THOC2: variants seen among roughly 807,000 people sequenced by gnomAD.
THOC2 encodes the protein THO complex subunit 2.
THOC2 carries 10 observed loss-of-function variants against 128.4 expected under a neutral mutation model. The observed-to-expected ratio is 0.08, with a 90% CI of 0.05 to 0.13. The LOEUF (loss-of-function observed/expected upper bound fraction) is 0.13. Ranked by LOEUF, THOC2 falls within the 10% of genes least tolerant of loss-of-function variation. The pLI is 1.00. For missense variants in THOC2, 535 were observed against 1,155.7 expected (o/e 0.46, Z 7.79); for synonymous variants, 393 against 396.9 (o/e 0.99, Z 0.12).
chrX:123,681,863 C>T (rs1305941108), intron 8 of THOC2, among the ~76,000 whole-genome samples: 2 of 111,657 alleles, frequency 1.8e-5, no homozygotes, highest in Admixed American at 1.9e-4. Context: ...AATTCGGGAC[C>T]AGCCTGACCA....
At chrX:123,628,723 A>T (rs1049773831) in intron 22 of THOC2, among the ~76,000 whole-genome samples, 12 of 94,229 alleles carry the variant, frequency 1.3e-4, no homozygotes, top group Non-Finnish European at 1.7e-4. Flanking sequence ...AATAAAAATT[A>T]AAAAAAAAAA....
rs542966875 is a variant in THOC2, at chrX:123,692,294, T to C, written c.601+3727A>G. Among the ~76,000 whole-genome samples the C allele has an allele frequency of 2.7e-4, 30 of 111,481 alleles. 1 individual carries two copies. The South Asian group carries it at 0.011, about 40-fold the overall frequency. Reference sequence around the variant, plus strand: ...GCTATGGCCACTTGTATGGTGTCTATGACTTGGCAGCTCAATAGTCTACTG... The same window carrying C: ...GCTATGGCCACTTGTATGGTGTCTACGACTTGGCAGCTCAATAGTCTACTG... On this transcript the variant is annotated intron_variant, in intron 7 of 38. Coordinates refer to ENST00000245838, the MANE Select transcript of THOC2 (RefSeq NM_001081550.2).
intron 12 of THOC2, 113 bp from the exon 13 acceptor site, chrX:123,645,488 AC>A: frequency 4.8e-6 from 2 of 415,145 alleles, no homozygotes. Flanking sequence ...AATTGTTCTT[AC>A]TTTTTACAAA....
At chrX:123,732,781 G>T (rs1224214191) in intron 1 of THOC2, among the ~76,000 whole-genome samples, 171 bp downstream of exon 1, 1 of 111,083 alleles carries the variant, frequency 9.0e-6, no homozygotes. Context: ...GGTCCGCGGC[G>T]GTAAACAGCA....
intron 2 of THOC2, among the ~76,000 whole-genome samples, chrX:123,709,547 C>T (rs752302297): frequency 1.3e-4 from 14 of 111,380 alleles, no homozygotes; most frequent in Non-Finnish European, 2.6e-4. Context: ...GCCAAGATGG[C>T]GCCACTGCAC....
intron 12 of THOC2, among the ~76,000 whole-genome samples, chrX:123,663,862 C>T (rs1304697741): frequency 9.0e-6 from 1 of 111,234 alleles, no homozygotes; most frequent in Non-Finnish European, 1.9e-5. Context: ...TGAGTGAGAA[C>T]ATGCGGTGTT....
chrX:123,701,131 T>C (rs1354981729), intron 4 of THOC2, among the ~76,000 whole-genome samples: 4 of 111,139 alleles, frequency 3.6e-5, no homozygotes, highest in African/African-American at 1.3e-4. Flanking sequence ...GGTGGACAGA[T>C]CACTTGAGGT....
At chrX:123,650,185 G>A (rs892106006) in intron 12 of THOC2, among the ~76,000 whole-genome samples, 3 of 111,678 alleles carry the variant, frequency 2.7e-5, no homozygotes, top group African/African-American at 9.8e-5. Flanking sequence ...TTTCAACCCC[G>A]AATTTCATAT....
At chrX:123,649,322 G>C (rs766867242) in intron 12 of THOC2, among the ~76,000 whole-genome samples, 1 of 111,388 alleles carries the variant, frequency 9.0e-6, no homozygotes, top group South Asian at 3.8e-4. Flanking sequence ...AAAGACCAAA[G>C]GTAGATAAAT....
chrX:123,607,106 A>G (rs1386870806), intron 38 of THOC2, among the ~76,000 whole-genome samples: 2 of 111,399 alleles, frequency 1.8e-5, no homozygotes, highest in East Asian at 5.6e-4. Context: ...CAAAGGAACT[A>G]GTAATCTTCA....
At chrX:123,639,610 T>C (rs1470069331) in intron 16 of THOC2, among the ~76,000 whole-genome samples, 1 of 111,186 alleles carries the variant, frequency 9.0e-6, no homozygotes, top group Non-Finnish European at 1.9e-5. Flanking sequence ...GAAACTTTAC[T>C]ATGGGTACAC....
intron 8 of THOC2, among the ~76,000 whole-genome samples, chrX:123,685,369 A>G: frequency 8.9e-6 from 1 of 112,311 alleles, no homozygotes; most frequent in East Asian, 2.8e-4. Context: ...TTAAGAAGTG[A>G]CTAATTCTGC....
chrX:123,643,610 C>G (rs1400553893), intron 15 of THOC2, among the ~76,000 whole-genome samples: 1 of 110,226 alleles, frequency 9.1e-6, no homozygotes, highest in Non-Finnish European at 1.9e-5. Context: ...TCAACTCCTG[C>G]CAAACAAAAC....
At chrX:123,714,745 C>G (rs1010702786) in intron 1 of THOC2, among the ~76,000 whole-genome samples, 3 of 111,666 alleles carry the variant, frequency 2.7e-5, no homozygotes, top group African/African-American at 9.8e-5. Flanking sequence ...CATTAGATCA[C>G]AAACAAATAA....
chrX:123,617,457 G>A (rs1407931228), intron 33 of THOC2, among the ~76,000 whole-genome samples: 3 of 111,268 alleles, frequency 2.7e-5, no homozygotes, highest in Non-Finnish European at 5.7e-5. Flanking sequence ...ACCAAGGCAA[G>A]CACACTAAAG....
chrX:123,726,734 G>A (rs1028849436), intron 1 of THOC2, among the ~76,000 whole-genome samples: 1 of 111,705 alleles, frequency 9.0e-6, no homozygotes, highest in Non-Finnish European at 1.9e-5. Context: ...ATTCTATATT[G>A]TCAGTCACCA....
chrX:123,726,904 AGAG>A (rs1188783937), intron 1 of THOC2, among the ~76,000 whole-genome samples: 2 of 111,819 alleles, frequency 1.8e-5, no homozygotes, highest in Admixed American at 1.9e-4. Flanking sequence ...CTAGTATAAA[AGAG>A]GTATTCCTTT....
Position 123,636,310 on chromosome X carries a change from T to C in THOC2, c.1922-135A>G, listed in dbSNP as rs935079828. ...GCTGTTGAATGGAGCTTCATAATAATAACAATAACCAATATTTATTGAGCA... is the reference window on the plus strand; with the variant it reads ...GCTGTTGAATGGAGCTTCATAATAACAACAATAACCAATATTTATTGAGCA... On this transcript the variant is annotated intron_variant, in intron 18 of 38. Transcript: ENST00000245838. 3 of 463,127 alleles carry C rather than the reference T, an allele frequency of 6.5e-6. No individual in the cohort carries two copies. The Admixed American group carries it at 1.2e-4, about 18-fold the overall frequency. The allele number at this position is 463,127 out of a possible 1,213,427, so 38.2% of individuals were successfully genotyped here. A position where few individuals can be genotyped will look rare whatever the true frequency, so the allele number is the denominator to read the frequency against.
At chrX:123,707,915 C>T (rs967461876) in intron 2 of THOC2, among the ~76,000 whole-genome samples, 1 of 106,824 alleles carries the variant, frequency 9.4e-6, no homozygotes, top group Admixed American at 1.0e-4. Context: ...ACGGCTTGAG[C>T]CTAGGAGTTC....
Sources: gnomAD v4.1 joint callset for allele counts (sites outside exome capture counted in the v4.1 genomes callset) on GRCh38, gnomAD v4.1.1 for gene constraint, MANE v1.5 for transcripts, NCBI Gene and HGNC (gene_info 2026-07-23, HGNC 2026-07-21) for gene names.